Variants in FRMD3 observed in about 807,000 individuals in gnomAD.
FRMD3 encodes the protein FERM domain-containing protein 3.
FRMD3 carries 33 observed loss-of-function variants against 70.2 expected under a neutral mutation model. The observed-to-expected ratio is 0.47, with a 90% CI of 0.36 to 0.63. The LOEUF is 0.63. Ranked by LOEUF, FRMD3 falls within the 20% of genes least tolerant of loss-of-function variation. FRMD3 has a pLI of 0.00. For synonymous variants in FRMD3, 279 were observed against 255.9 expected (o/e 1.09, Z -0.86); for missense variants, 632 against 711.4 (o/e 0.89, Z 1.27).
chr9:83,381,096 T>C (rs926105106), intron 2 of FRMD3, among the ~76,000 whole-genome samples: 3 of 152,190 alleles, frequency 2.0e-5, no homozygotes, highest in Non-Finnish European at 2.9e-5. Flanking sequence ...GCCTTATCAG[T>C]GTTCCAGATT....
chr9:83,355,017 G>C (rs1347773330), intron 3 of FRMD3, among the ~76,000 whole-genome samples: 1 of 152,166 alleles, frequency 6.6e-6, no homozygotes, highest in African/African-American at 2.4e-5. Flanking sequence ...TTTGAGCACT[G>C]TGGTGCACCC....
chr9:83,422,646 G>A (rs1164552635), intron 1 of FRMD3, among the ~76,000 whole-genome samples: 2 of 152,172 alleles, frequency 1.3e-5, no homozygotes, highest in South Asian at 2.1e-4. Flanking sequence ...TGGTGGGAGG[G>A]AGGGACAAAT....
chr9:83,364,446 CT>C (rs1233069729), intron 3 of FRMD3, among the ~76,000 whole-genome samples: 1 of 152,042 alleles, frequency 6.6e-6, no homozygotes, highest in Non-Finnish European at 1.5e-5. Context: ...GTCCCAGCTA[CT>C]CAGGAGGCTG....
chr9:83,356,555 G>C (rs975446231), intron 3 of FRMD3, among the ~76,000 whole-genome samples: 16 of 151,208 alleles, frequency 1.1e-4, no homozygotes, highest in African/African-American at 2.7e-4. Flanking sequence ...GGATTACAGG[G>C]GTGAGCCACC....
At chr9:83,258,066 G>A (rs185996536) in intron 13 of FRMD3, among the ~76,000 whole-genome samples, 194 of 152,294 alleles carry the variant, frequency 1.3e-3, no homozygotes, top group African/African-American at 4.4e-3. Context: ...ACTGCCCGTT[G>A]ATGACAGAGT....
chr9:83,357,340 C>A (rs1355407573), intron 3 of FRMD3, among the ~76,000 whole-genome samples: 1 of 139,110 alleles, frequency 7.2e-6, no homozygotes, highest in African/African-American at 2.6e-5. Flanking sequence ...GGCATTTGGG[C>A]TGGTTCCATA....
chr9:83,325,846 T>C (rs1346546937), intron 6 of FRMD3, among the ~76,000 whole-genome samples: 1 of 152,166 alleles, frequency 6.6e-6, no homozygotes. Flanking sequence ...CTTACATAGT[T>C]CAAATAAATC....
Position 83,501,225 on chromosome 9 carries a change from C to T in FRMD3, c.147+36860G>A, listed in dbSNP as rs532006316. Among the ~76,000 whole-genome samples the T allele has an allele frequency of 2.1e-3, 314 of 151,942 alleles. 1 individual carries two copies. Among genetic ancestry groups the T allele is most frequent in the Non-Finnish European group, 4.0e-3 (273 of 67,970 alleles). ...AGGAGAATGGCATGAACCCGGGAGGCGGAGCTTGCAGTGAGCCGAGATGGT... is the reference window on the plus strand; with the variant it reads ...AGGAGAATGGCATGAACCCGGGAGGTGGAGCTTGCAGTGAGCCGAGATGGT... On this transcript the variant is annotated intron_variant, in intron 1 of 13. Transcript: ENST00000304195.
At chr9:83,319,168 T>C (rs1835701351) in intron 6 of FRMD3, among the ~76,000 whole-genome samples, 1 of 152,190 alleles carries the variant, frequency 6.6e-6, no homozygotes, top group South Asian at 2.1e-4. Context: ...CATTTGCCTA[T>C]TTTTGTTTTG....
In FRMD3 at chr9:83,333,967, C is replaced by G. The variant is rs537355608; in HGVS notation, c.596+1549G>C. Among the ~76,000 whole-genome samples, 227 of 152,218 alleles carry G rather than the reference C, an allele frequency of 1.5e-3. 1 individual carries two copies. The highest frequency in any genetic ancestry group is 5.1e-3 in the African/African-American group (212 of 41,526). ...AGCTCTTAGCACAATGTTTTGGCATCTAGTAAGTAAATGCTCAATAAGTGT... is the reference window on the plus strand; with the variant it reads ...AGCTCTTAGCACAATGTTTTGGCATGTAGTAAGTAAATGCTCAATAAGTGT... On this transcript the variant is annotated intron_variant, in intron 6 of 13. Coordinates refer to ENST00000304195, the MANE Select transcript of FRMD3 (RefSeq NM_174938.6).
the FRMD3 span, among the ~76,000 whole-genome samples, chr9:83,572,728 C>T: frequency 2.0e-5 from 3 of 152,084 alleles, no homozygotes; most frequent in African/African-American, 7.2e-5. Context: ...CGGGAACAGG[C>T]GTGGAGTAAG....
chr9:83,343,447 G>A (rs768780365), intron 4 of FRMD3, among the ~76,000 whole-genome samples, 160 bp from the exon 5 acceptor site: 8 of 152,042 alleles, frequency 5.3e-5, no homozygotes, highest in Non-Finnish European at 1.2e-4. Context: ...GAGGAAAGCT[G>A]AGAGGGGCCC....
chr9:83,253,641 A>T (rs1352540648), intron 13 of FRMD3, among the ~76,000 whole-genome samples: 1 of 152,186 alleles, frequency 6.6e-6, no homozygotes, highest in Non-Finnish European at 1.5e-5. Flanking sequence ...ATGTGGAGAA[A>T]TAGGAACACT....
At chr9:83,443,138 A>G (rs1362853527) in intron 1 of FRMD3, among the ~76,000 whole-genome samples, 1 of 152,130 alleles carries the variant, frequency 6.6e-6, no homozygotes, top group Admixed American at 6.6e-5. Context: ...GCATCTGGTG[A>G]GAGTATGTTT....
downstream of FRMD3, among the ~76,000 whole-genome samples, chr9:83,243,595 C>T (rs1318623289): frequency 6.6e-6 from 1 of 152,164 alleles, no homozygotes; most frequent in Non-Finnish European, 1.5e-5. Flanking sequence ...CCCAAAGGCA[C>T]TGGCTTGAGA....
At chr9:83,253,706 G>T (rs1301168774) in intron 13 of FRMD3, among the ~76,000 whole-genome samples, 1 of 152,194 alleles carries the variant, frequency 6.6e-6, no homozygotes, top group Non-Finnish European at 1.5e-5. Context: ...AGACAGTGTG[G>T]CAATTCCTCA....
intron 6 of FRMD3, chr9:83,332,102 G>T (rs1259127292): frequency 3.6e-6 from 2 of 560,970 alleles, no homozygotes; most frequent in Non-Finnish European, 6.3e-6. Context: ...AGCCTTTCTT[G>T]CTCTAAGCCA....
intron 13 of FRMD3, among the ~76,000 whole-genome samples, chr9:83,282,984 G>C (rs1834027617): frequency 6.6e-6 from 1 of 151,766 alleles, no homozygotes; most frequent in Admixed American, 6.6e-5. Flanking sequence ...CCTTTCAAGT[G>C]ATAAAAACTT....
At chr9:83,528,016 TTC>T (rs1296768521) in intron 1 of FRMD3, among the ~76,000 whole-genome samples, 1 of 152,244 alleles carries the variant, frequency 6.6e-6, no homozygotes. Context: ...TGCAACATTT[TTC>T]TGTTTTCCCA....
Sources: gnomAD v4.1 joint callset for allele counts (sites outside exome capture counted in the v4.1 genomes callset) on GRCh38, gnomAD v4.1.1 for gene constraint, MANE v1.5 for transcripts, NCBI Gene and HGNC (gene_info 2026-07-23, HGNC 2026-07-21) for gene names.